The following SIK3 variants were observed in gnomAD, a reference collection of about 807,000 sequenced individuals.
The protein encoded by SIK3 is serine/threonine-protein kinase SIK3.
Under a neutral mutation model 144.2 loss-of-function variants are expected in SIK3, and 28 were observed. The ratio of observed to expected loss-of-function variants is 0.19; its 90% CI spans 0.14 to 0.27. SIK3 has a LOEUF of 0.27. Among genes scored for constraint, SIK3 ranks in the 10% least tolerant of loss-of-function variants. SIK3 has a pLI of 1.00. For synonymous variants in SIK3, 686 were observed against 676.3 expected (o/e 1.01, Z -0.22); for missense variants, 1,319 against 1,776.0 (o/e 0.74, Z 4.62).
chr11:116,933,469 C>T (rs1261783316), intron 3 of SIK3, among the ~76,000 whole-genome samples: 2 of 152,162 alleles, frequency 1.3e-5, no homozygotes, highest in African/African-American at 2.4e-5. Context: ...CTGAGTAGTA[C>T]AGCATGGAAT....
At chr11:116,961,233 A>T (rs1488607421) in intron 1 of SIK3, among the ~76,000 whole-genome samples, 2 of 152,152 alleles carry the variant, frequency 1.3e-5, no homozygotes, top group Non-Finnish European at 2.9e-5. Context: ...GAGAGAACTT[A>T]CTGTTGCTTG....
At chr11:116,943,379 T>C (rs187189056) in intron 3 of SIK3, among the ~76,000 whole-genome samples, 3 of 152,266 alleles carry the variant, frequency 2.0e-5, no homozygotes, top group African/African-American at 7.2e-5. Flanking sequence ...ACACCTCCCA[T>C]TGATAATCAC....
At chr11:116,931,291 C>A (rs1391551811) in intron 3 of SIK3, among the ~76,000 whole-genome samples, 1 of 152,198 alleles carries the variant, frequency 6.6e-6, no homozygotes, top group Non-Finnish European at 1.5e-5. Context: ...TTGTCCCAAT[C>A]TTACTCAGGA....
At chr11:116,977,976 T>C (rs947138804) in intron 1 of SIK3, among the ~76,000 whole-genome samples, 4 of 152,206 alleles carry the variant, frequency 2.6e-5, no homozygotes, top group African/African-American at 4.8e-5. Context: ...CCCAGCACTT[T>C]GGGAGGCCGA....
At chr11:116,933,625 T>A (rs1015678002) in intron 3 of SIK3, among the ~76,000 whole-genome samples, 13 of 152,110 alleles carry the variant, frequency 8.5e-5, no homozygotes, top group Non-Finnish European at 1.6e-4. Context: ...CATTTTCTCT[T>A]TTCTTCCTTC....
In SIK3 at chr11:116,861,409, A is replaced by T. The variant is rs745584902; in HGVS notation, c.2316-26T>A. On this transcript the variant is annotated intron_variant, in intron 18 of 24. Transcript: ENST00000445177. ...CTTAAAAATAACAAAAGAGATACACAAAGAAGCTTCCTAAGGTGACAGTAC... is the reference window on the plus strand; with the variant it reads ...CTTAAAAATAACAAAAGAGATACACTAAGAAGCTTCCTAAGGTGACAGTAC... 9.3e-6 allele frequency: 14 copies of T among 1,512,656 alleles called. No individual in the cohort carries two copies. In the South Asian group the frequency reaches 1.6e-4, roughly 17 times the overall value. The allele number at this position is 1,512,656 out of a possible 1,614,324, so 93.7% of individuals were successfully genotyped here.
chr11:116,967,009 AAAAAAGAAAAAG>A lies in SIK3; in HGVS notation c.274-9957_274-9946del, dbSNP rs1006216341. ...ACAGAGCAAGACTCTGTTTCAAAAA[AAAAAAGAAAAAG>A]AAAAAGAAAAAGAAAAGAAAAAAAG... On this transcript the variant is annotated intron_variant, in intron 1 of 24. Coordinates refer to ENST00000445177, the MANE Select transcript of SIK3 (RefSeq NM_001366686.3). Among the ~76,000 whole-genome samples the A allele has an allele frequency of 1.0e-4, 15 of 143,478 alleles. No individual in the cohort carries two copies. In the South Asian group the frequency reaches 1.9e-3, roughly 19 times the overall value. The allele number at this position is 143,478 out of a possible 152,430, so 94.1% of individuals were successfully genotyped here. A position where few individuals can be genotyped will look rare whatever the true frequency, so the allele number is the denominator to read the frequency against.
intron 4 of SIK3, among the ~76,000 whole-genome samples, chr11:116,924,752 T>C (rs1024756254): frequency 1.3e-5 from 2 of 152,152 alleles, no homozygotes; most frequent in African/African-American, 2.4e-5. Context: ...TCTTCAATGC[T>C]TGGTGGGGGC....
At chr11:117,096,345 G>A (rs780130116) in intron 1 of SIK3, among the ~76,000 whole-genome samples, 28 of 152,106 alleles carry the variant, frequency 1.8e-4, no homozygotes, top group Non-Finnish European at 2.6e-4. Flanking sequence ...AGAGGTCAGA[G>A]CAAAATAACC....
intron 1 of SIK3, among the ~76,000 whole-genome samples, chr11:117,042,278 C>A (rs564738110): frequency 6.6e-6 from 1 of 152,318 alleles, no homozygotes; most frequent in East Asian, 1.9e-4. Flanking sequence ...TATTTGCAGA[C>A]AGGTCCTATA....
At chr11:116,889,249 C>T (rs1944979505) in intron 6 of SIK3, among the ~76,000 whole-genome samples, 2 of 152,282 alleles carry the variant, frequency 1.3e-5, no homozygotes, top group South Asian at 4.1e-4. Flanking sequence ...AGTTATGTAG[C>T]TCAAATTAGA....
At chr11:116,982,599 T>C (rs764498646) in intron 1 of SIK3, among the ~76,000 whole-genome samples, 50 of 152,114 alleles carry the variant, frequency 3.3e-4, no homozygotes, top group Non-Finnish European at 5.0e-4. Context: ...CAATTATTTT[T>C]CTTACACTAG....
chr11:116,977,961 G>A (rs545223034), intron 1 of SIK3, among the ~76,000 whole-genome samples: 4 of 152,348 alleles, frequency 2.6e-5, no homozygotes, highest in African/African-American at 4.8e-5. Context: ...GCTCACGCCT[G>A]TAATCCCAGC....
chr11:116,887,337 C>A (rs1591226772), intron 6 of SIK3, among the ~76,000 whole-genome samples: 1 of 151,314 alleles, frequency 6.6e-6, no homozygotes, highest in South Asian at 2.1e-4. Context: ...AAGAGTCTGG[C>A]AGGGCACGGT....
At chr11:116,940,782 G>A (rs979413966) in intron 3 of SIK3, among the ~76,000 whole-genome samples, 1 of 149,004 alleles carries the variant, frequency 6.7e-6, no homozygotes, top group Non-Finnish European at 1.5e-5. Flanking sequence ...ACTCCTGGTG[G>A]GGGCATTAAA....
intron 1 of SIK3, among the ~76,000 whole-genome samples, chr11:117,081,869 A>C (rs1288383798): frequency 6.6e-6 from 1 of 152,226 alleles, no homozygotes; most frequent in African/African-American, 2.4e-5. Context: ...GAATGGCAGA[A>C]AATATTTGTA....
At chr11:116,915,668 T>C (rs1434855249) in intron 4 of SIK3, among the ~76,000 whole-genome samples, 1 of 152,218 alleles carries the variant, frequency 6.6e-6, no homozygotes, top group East Asian at 1.9e-4. Flanking sequence ...TTAAACTTTG[T>C]TTCTTGAGGC....
At chr11:116,957,901 C>G (rs1445584185) in intron 1 of SIK3, among the ~76,000 whole-genome samples, 2 of 152,166 alleles carry the variant, frequency 1.3e-5, no homozygotes, top group Non-Finnish European at 2.9e-5. Flanking sequence ...TAAAACATAT[C>G]TTTCCAATGT....
intron 1 of SIK3, among the ~76,000 whole-genome samples, chr11:117,094,265 G>C (rs553500287): frequency 1.3e-5 from 2 of 152,094 alleles, no homozygotes; most frequent in Non-Finnish European, 2.9e-5. Context: ...TAGTTTAAAC[G>C]TATTTGGCCA....
Sources: allele counts gnomAD v4.1 joint callset (sites outside exome capture counted in the v4.1 genomes callset), GRCh38; gene constraint gnomAD v4.1.1; transcripts MANE v1.5; gene names NCBI Gene and HGNC (gene_info 2026-07-23, HGNC 2026-07-21).